Variants in SGCD observed in about 807,000 individuals in gnomAD.
SGCD encodes sarcoglycan delta.
In SGCD, 18 loss-of-function variants were observed where a neutral mutation model predicts 36.6. The ratio of observed to expected loss-of-function variants is 0.49; its 90% CI spans 0.34 to 0.73. SGCD has a LOEUF of 0.73. SGCD is among the 30% of genes least tolerant of loss of function. The pLI is 0.01. For synonymous variants in SGCD, 133 were observed against 130.6 expected (o/e 1.02, Z -0.12); for missense variants, 387 against 346.7 (o/e 1.12, Z -0.92).
intron 1 of SGCD, among the ~76,000 whole-genome samples, chr5:155,902,465 T>C (rs1232596641): frequency 6.6e-6 from 1 of 152,202 alleles, no homozygotes. Context: ...ATTATCATTT[T>C]ATAACTGAAG....
At chr5:156,096,675 A>G (rs1339674482) in intron 1 of SGCD, among the ~76,000 whole-genome samples, 1 of 152,212 alleles carries the variant, frequency 6.6e-6, no homozygotes, top group African/African-American at 2.4e-5. Flanking sequence ...AAGCAAGCAT[A>G]AAATCAAATA....
the SGCD span, among the ~76,000 whole-genome samples, chr5:155,819,266 G>A: frequency 0.018 from 2,695 of 152,170 alleles, 85 homozygotes; most frequent in African/African-American, 0.06. Flanking sequence ...CATCTTGAGG[G>A]AGTCATTTCT....
chr5:156,629,917 A>G (rs1037340081), intron 6 of SGCD, among the ~76,000 whole-genome samples: 4 of 145,318 alleles, frequency 2.8e-5, no homozygotes, highest in Non-Finnish European at 3.0e-5. Context: ...GCTGGAGTGC[A>G]ATGGCACGAT....
chr5:156,750,599 T>C (rs1035040742), intron 7 of SGCD, among the ~76,000 whole-genome samples: 1 of 151,028 alleles, frequency 6.6e-6, no homozygotes, highest in South Asian at 2.1e-4. Flanking sequence ...TAAGCCAAGA[T>C]TGCGCCACCG....
chr5:156,397,187 G>A (rs1344094281), intron 3 of SGCD, among the ~76,000 whole-genome samples: 1 of 152,168 alleles, frequency 6.6e-6, no homozygotes, highest in Non-Finnish European at 1.5e-5. Context: ...TTCCAATAAG[G>A]AGGAGGGAGA....
At chr5:156,641,605 A>G (rs891736221) in intron 6 of SGCD, among the ~76,000 whole-genome samples, 23 of 152,294 alleles carry the variant, frequency 1.5e-4, no homozygotes, top group Non-Finnish European at 2.9e-4. Context: ...GGCAATTTCT[A>G]TTGTGACTTA....
In SGCD at chr5:155,959,835, C is replaced by G. The variant is rs188601122; in HGVS notation, c.-282+89411C>G. On this transcript the variant is annotated intron_variant, in intron 1 of 9. Transcript: ENST00000517913. ...CTCCTGGAAAGGTGAATTTATTTGCCCACATTTTTTCAACTTGAGGAAACT... is the reference window on the plus strand; with the variant it reads ...CTCCTGGAAAGGTGAATTTATTTGCGCACATTTTTTCAACTTGAGGAAACT... Among the ~76,000 whole-genome samples, 3 of 151,894 alleles carry G rather than the reference C, an allele frequency of 2.0e-5. No individual in the cohort carries two copies. The East Asian group carries it at 5.8e-4, about 30-fold the overall frequency.
Position 156,292,789 on chromosome 5 carries a change from C to A in SGCD, c.-43-36745C>A, listed in dbSNP as rs1378377338. Among the ~76,000 whole-genome samples, 3 of 152,076 alleles carry A rather than the reference C, an allele frequency of 2.0e-5. No individual in the cohort carries two copies. In the East Asian group the frequency reaches 5.8e-4, roughly 29 times the overall value. ...TATTTTCTCTTTTGCTGATAGTAGA[C>A]ATCCTAATGGGTTTGAGATGGTATC... On this transcript the variant is annotated intron_variant, in intron 3 of 9. Coordinates refer to the SGCD transcript ENST00000517913.
intron 6 of SGCD, among the ~76,000 whole-genome samples, chr5:156,623,141 A>G (rs907943533): frequency 1.3e-5 from 2 of 152,190 alleles, no homozygotes; most frequent in Non-Finnish European, 2.9e-5. Flanking sequence ...AGATAAATAT[A>G]TATACATACA....
intron 3 of SGCD, among the ~76,000 whole-genome samples, chr5:156,285,766 A>G (rs923853267): frequency 1.3e-4 from 20 of 152,202 alleles, no homozygotes; most frequent in African/African-American, 4.3e-4. Context: ...AGGCATGGGC[A>G]AGGACTTCAT....
At chr5:156,212,086 A>G (rs762692290) in intron 3 of SGCD, among the ~76,000 whole-genome samples, 14 of 152,254 alleles carry the variant, frequency 9.2e-5, no homozygotes, top group Non-Finnish European at 1.3e-4. Flanking sequence ...AGCCAGCAAC[A>G]GAAGAAGAAA....
rs79015027 is a variant in SGCD at position 156,194,398 on chromosome 5, A to C, written c.-44+70379A>C. On this transcript the variant is annotated intron_variant, in intron 3 of 9. Coordinates refer to the SGCD transcript ENST00000517913. ...TGTCTCCAAAAAAGAAAAAGAAAAA[A>C]GAAAGGAAAAAATACTGTGTAAAAA... 4.0e-3 allele frequency among the ~76,000 whole-genome samples: 616 copies of C among 152,234 alleles called. 4 individuals are homozygous for C. The highest frequency in any genetic ancestry group is 0.014 in the African/African-American group (592 of 41,538).
chr5:156,078,571 A>G (rs1401751613), intron 1 of SGCD, among the ~76,000 whole-genome samples: 2 of 95,434 alleles, frequency 2.1e-5, no homozygotes, highest in East Asian at 6.6e-4. Context: ...TTATATATAT[A>G]TTTATATTTA....
the SGCD span, among the ~76,000 whole-genome samples, chr5:155,779,092 C>CAT: frequency 1.3e-5 from 2 of 152,132 alleles, no homozygotes; most frequent in Admixed American, 6.6e-5. Flanking sequence ...TTACATTCTG[C>CAT]ATATATATTT....
chr5:156,608,567 G>A (rs1471749058), intron 6 of SGCD, among the ~76,000 whole-genome samples: 1 of 152,132 alleles, frequency 6.6e-6, no homozygotes, highest in Non-Finnish European at 1.5e-5. Flanking sequence ...GGTCTGCTTG[G>A]TGCAGAGCTG....
intron 2 of SGCD, 86 bp downstream of exon 2, chr5:156,329,665 A>G: frequency 2.4e-6 from 3 of 1,238,826 alleles, no homozygotes; most frequent in Non-Finnish European, 3.5e-6. Flanking sequence ...AAAGAGAACA[A>G]AGTGTTATAT....
chr5:156,353,492 A>C (rs1430370289), intron 3 of SGCD, among the ~76,000 whole-genome samples: 2 of 152,230 alleles, frequency 1.3e-5, no homozygotes, highest in African/African-American at 4.8e-5. Context: ...TAAAGGTAGG[A>C]GACTTCATCC....
intron 1 of SGCD, among the ~76,000 whole-genome samples, chr5:156,082,143 G>C (rs185410793): frequency 3.9e-5 from 6 of 152,014 alleles, no homozygotes; most frequent in Non-Finnish European, 7.4e-5. Flanking sequence ...GGGACCAGAA[G>C]TACTTGATTT....
At chr5:155,997,166 C>A (rs1758571180) in intron 1 of SGCD, among the ~76,000 whole-genome samples, 1 of 152,152 alleles carries the variant, frequency 6.6e-6, no homozygotes, top group African/African-American at 2.4e-5. Context: ...TGACTATGTA[C>A]TTGGTACTAT....
Sources: gnomAD v4.1 joint callset for allele counts (sites outside exome capture counted in the v4.1 genomes callset) on GRCh38, gnomAD v4.1.1 for gene constraint, MANE v1.5 for transcripts, NCBI Gene and HGNC (gene_info 2026-07-23, HGNC 2026-07-21) for gene names.